The following KCNU1 variants were observed in gnomAD, a reference collection of about 807,000 sequenced individuals.
KCNU1 encodes the protein potassium calcium-activated channel subfamily U member 1.
A neutral mutation model predicts 126.8 loss-of-function variants in KCNU1; 93 were observed. The observed-to-expected ratio is 0.73, with a 90% CI of 0.62 to 0.87. KCNU1 has a LOEUF of 0.87. Among genes scored for constraint, KCNU1 ranks in the 40% least tolerant of loss-of-function variants. The pLI is 0.00. For missense variants in KCNU1, 1,330 were observed against 1,367.1 expected, an observed-to-expected ratio of 0.97 and a Z score of 0.43; for synonymous variants, 523 against 494.2, an observed-to-expected ratio of 1.06 and a Z score of -0.77.
chr8:36,784,971 G>A (rs1284850586), intron 1 of KCNU1, among the ~76,000 whole-genome samples: 3 of 152,220 alleles, frequency 2.0e-5, no homozygotes, highest in Non-Finnish European at 4.4e-5. Flanking sequence ...GGAGGTGAAA[G>A]GGAACAAGAC....
chr8:36,884,169 A>G (rs1343703465), intron 19 of KCNU1, among the ~76,000 whole-genome samples: 3 of 151,720 alleles, frequency 2.0e-5, no homozygotes. Flanking sequence ...CTGATAGAAT[A>G]AGGATAAGTT....
intron 22 of KCNU1, among the ~76,000 whole-genome samples, chr8:36,918,417 T>C (rs1261640704): frequency 6.6e-6 from 1 of 151,342 alleles, no homozygotes; most frequent in Non-Finnish European, 1.5e-5. Context: ...TAGCTGGGTA[T>C]GGAGGCATGT....
At chr8:36,811,752 C>T (rs779491959) in intron 7 of KCNU1, among the ~76,000 whole-genome samples, 3 of 151,250 alleles carry the variant, frequency 2.0e-5, no homozygotes, top group Admixed American at 6.6e-5. Flanking sequence ...GCCAACATGG[C>T]GAAACCTCAT....
intron 18 of KCNU1, among the ~76,000 whole-genome samples, chr8:36,846,660 G>C (rs1389594401): frequency 6.6e-6 from 1 of 151,998 alleles, no homozygotes; most frequent in Non-Finnish European, 1.5e-5. Context: ...AAATTAGCTG[G>C]GCGTGGCAGC....
chr8:36,818,046 G>A (rs184773973), intron 10 of KCNU1, among the ~76,000 whole-genome samples: 268 of 152,232 alleles, frequency 1.8e-3, no homozygotes, highest in Non-Finnish European at 2.8e-3. Flanking sequence ...ATAATCTTAT[G>A]CAAAAGCCTG....
Position 36,845,659 on chromosome 8 carries a change from G to A in KCNU1, c.1783G>A (p.Asp595Asn), listed in dbSNP as rs1405728946. The A allele has an allele frequency of 1.2e-6, 2 of 1,601,214 alleles. No individual in the cohort carries two copies. The highest frequency in any genetic ancestry group is 1.7e-6 in the Non-Finnish European group (2 of 1,168,544). Reference sequence around the variant, plus strand: ...GTTCTTTATTGCTGAAACTCCAAAGGACGTCAGAAGGTAATTTTATTATTT... The same window carrying A: ...GTTCTTTATTGCTGAAACTCCAAAGAACGTCAGAAGGTAATTTTATTATTT... ...LGFFIAETPK[D>N]VRRALFYCSV... is the part of the protein sequence containing the mutation. Residue 595 changes from aspartate to asparagine, a missense_variant, in exon 17 of 27, where the codon GAC (aspartate) becomes AAC (asparagine). Coordinates refer to ENST00000399881, the MANE Select transcript of KCNU1 (RefSeq NM_001031836.3).
At chr8:36,883,093 T>C (rs1044446956) in intron 19 of KCNU1, among the ~76,000 whole-genome samples, 2 of 152,210 alleles carry the variant, frequency 1.3e-5, no homozygotes, top group African/African-American at 4.8e-5. Flanking sequence ...TGTTTCCACA[T>C]AGTAATTTTC....
chr8:36,928,957 C>A, intron 24 of KCNU1: 1 of 693,528 alleles, frequency 1.4e-6, no homozygotes, highest in Non-Finnish European at 2.6e-6. Context: ...TCAGATGATC[C>A]AGATACATGA....
Position 36,864,411 on chromosome 8 carries a change from G to A in KCNU1, c.1899G>A (p.Ser633=), listed in dbSNP as rs768474914. The A allele has an allele frequency of 5.0e-6, 8 of 1,590,528 alleles. No individual in the cohort carries two copies. Among genetic ancestry groups the A allele is most frequent in the East Asian group, 4.5e-5 (2 of 44,670 alleles). The change falls in exon 19 of 27, where the codon TCG becomes TCA. Residue 633 remains serine, a synonymous_variant. Coordinates refer to ENST00000399881, the MANE Select transcript of KCNU1 (RefSeq NM_001031836.3). ...ATTTCTATCCTATTGCAGTGCCATC[G>A]GTAAAGAGAATGAAAAAATGTCTGA... ...SRSRQHITVP[S]VKRMKKCLKG...
At chr8:36,848,248 T>A (rs552274293) in intron 18 of KCNU1, among the ~76,000 whole-genome samples, 5 of 152,262 alleles carry the variant, frequency 3.3e-5, no homozygotes, top group African/African-American at 7.2e-5. Flanking sequence ...TACAGATGTC[T>A]CTTCCGTCTG....
At chr8:36,841,600 G>A (rs1294883209) in intron 16 of KCNU1, among the ~76,000 whole-genome samples, 2 of 152,134 alleles carry the variant, frequency 1.3e-5, no homozygotes, top group Non-Finnish European at 2.9e-5. Flanking sequence ...GGAGGCTGAC[G>A]CATGAGAATT....
At chr8:36,855,052 G>C (rs1805482592) in intron 18 of KCNU1, among the ~76,000 whole-genome samples, 1 of 152,054 alleles carries the variant, frequency 6.6e-6, no homozygotes, top group Non-Finnish European at 1.5e-5. Context: ...CTGTAAAGTT[G>C]ACAACTGTGT....
At chr8:36,907,366 T>C (rs1807672219) in intron 20 of KCNU1, among the ~76,000 whole-genome samples, 1 of 152,204 alleles carries the variant, frequency 6.6e-6, no homozygotes, top group East Asian at 1.9e-4. Context: ...CTGTGCCCAT[T>C]AATGCACTTG....
intron 9 of KCNU1, 62 bp from the exon 10 acceptor site, chr8:36,817,588 A>T: frequency 1.3e-6 from 1 of 791,212 alleles, no homozygotes; most frequent in Non-Finnish European, 2.2e-6. Flanking sequence ...TTATCTCTAA[A>T]TGCTGACAGG....
intron 22 of KCNU1, 97 bp downstream of exon 22, chr8:36,911,216 G>C: frequency 9.8e-7 from 1 of 1,015,554 alleles, no homozygotes; most frequent in Non-Finnish European, 1.4e-6. Context: ...GGGAGCAGGA[G>C]GGTGGGCCAG....
chr8:36,900,694 A>T (rs952527491), intron 19 of KCNU1, among the ~76,000 whole-genome samples: 1 of 152,118 alleles, frequency 6.6e-6, no homozygotes, highest in African/African-American at 2.4e-5. Flanking sequence ...GGGCAGATGT[A>T]GCCTTTGATA....
At chr8:36,928,808 A>C in intron 24 of KCNU1, 1 of 515,882 alleles carries the variant, frequency 1.9e-6, no homozygotes. Context: ...ATCTTCAGGA[A>C]GTATTGCTCA....
At chr8:36,834,176 A>G (rs1306830326) in intron 11 of KCNU1, among the ~76,000 whole-genome samples, 1 of 152,222 alleles carries the variant, frequency 6.6e-6, no homozygotes, top group Non-Finnish European at 1.5e-5. Flanking sequence ...TTAAGATCAA[A>G]GGCAGCTTCC....
At chr8:36,922,440 T>C (rs1463069165) in intron 23 of KCNU1, 50 bp from the exon 24 acceptor site, 1 of 1,566,800 alleles carries the variant, frequency 6.4e-7, no homozygotes, top group Non-Finnish European at 8.6e-7. Context: ...GCACTTCTTA[T>C]ATTCTTAACC....
Sources: allele counts gnomAD v4.1 joint callset (sites outside exome capture counted in the v4.1 genomes callset), GRCh38; gene constraint gnomAD v4.1.1; transcripts MANE v1.5; gene names NCBI Gene and HGNC (gene_info 2026-07-23, HGNC 2026-07-21).